Variants in FGF14 observed in about 807,000 individuals in gnomAD.
FGF14 encodes fibroblast growth factor 14.
Under a neutral mutation model 25.5 loss-of-function variants are expected in FGF14, and 5 were observed. That is an observed-to-expected ratio of 0.20 (90% CI 0.10 to 0.41). FGF14 has a LOEUF of 0.41. Among genes scored for constraint, FGF14 ranks in the 10% least tolerant of loss-of-function variants. FGF14 has a pLI of 1.00. For synonymous variants in FGF14, 138 were observed against 118.3 expected, an observed-to-expected ratio of 1.17 and a Z score of -1.08; for missense variants, 222 against 320.1, an observed-to-expected ratio of 0.69 and a Z score of 2.34.
intron 3 of FGF14, among the ~76,000 whole-genome samples, chr13:101,812,149 C>T (rs2041546171): frequency 6.6e-6 from 1 of 152,046 alleles, no homozygotes; most frequent in African/African-American, 2.4e-5. Flanking sequence ...TCATTCTTCC[C>T]CATTAGAGTC....
chr13:102,292,983 A>G (rs753313739), intron 1 of FGF14: 4 of 152,280 alleles, frequency 2.6e-5, no homozygotes, highest in African/African-American at 4.8e-5. Flanking sequence ...CAACTCCACC[A>G]GCCCTTTCCT....
At chr13:102,178,896 T>C (rs979455849) in intron 1 of FGF14, among the ~76,000 whole-genome samples, 40 of 152,266 alleles carry the variant, frequency 2.6e-4, no homozygotes, top group African/African-American at 9.1e-4. Flanking sequence ...ATTTTATCTA[T>C]TCACTTTTGT....
intron 3 of FGF14, among the ~76,000 whole-genome samples, chr13:101,780,047 T>C (rs540046058): frequency 5.9e-5 from 9 of 152,326 alleles, no homozygotes; most frequent in Admixed American, 5.9e-4. Context: ...TTGATTCAGC[T>C]ACTTCTTAAC....
chr13:101,964,512 GT>G (rs1251562712), intron 1 of FGF14, among the ~76,000 whole-genome samples: 3 of 152,098 alleles, frequency 2.0e-5, no homozygotes, highest in African/African-American at 4.8e-5. Flanking sequence ...CCTGACACCC[GT>G]TTTTAGAGCC....
chr13:101,933,339 T>C (rs560974179), intron 1 of FGF14, among the ~76,000 whole-genome samples: 65 of 152,310 alleles, frequency 4.3e-4, no homozygotes, highest in African/African-American at 1.5e-3. Context: ...ACAAATGCTT[T>C]GAGAGCAATA....
At chr13:102,040,686 A>C (rs1383709489) in intron 1 of FGF14, among the ~76,000 whole-genome samples, 1 of 152,190 alleles carries the variant, frequency 6.6e-6, no homozygotes, top group East Asian at 1.9e-4. Flanking sequence ...TAAAGCCCTG[A>C]AAGCTATTGA....
At chr13:102,199,104 G>A (rs779568003) in intron 1 of FGF14, among the ~76,000 whole-genome samples, 10 of 152,124 alleles carry the variant, frequency 6.6e-5, no homozygotes, top group Non-Finnish European at 7.4e-5. Flanking sequence ...AGATGTGTAG[G>A]TGGTTCTTAG....
chr13:102,213,893 T>C (rs1356144399), intron 1 of FGF14, among the ~76,000 whole-genome samples: 2 of 152,124 alleles, frequency 1.3e-5, no homozygotes, highest in Non-Finnish European at 2.9e-5. Context: ...GCTCAGTCTA[T>C]GGTACTAATA....
intron 3 of FGF14, among the ~76,000 whole-genome samples, chr13:101,828,109 T>C (rs1225382798): frequency 2.0e-5 from 3 of 151,960 alleles, no homozygotes. Flanking sequence ...TAAATATGCA[T>C]ACACACACAC....
chr13:101,878,523 A>G (rs186955296), intron 1 of FGF14, among the ~76,000 whole-genome samples: 3 of 152,202 alleles, frequency 2.0e-5, no homozygotes, highest in Non-Finnish European at 4.4e-5. Flanking sequence ...GTTTAGGGGG[A>G]AAAATCCCAT....
At chr13:102,168,462 A>T (rs1396520322) in intron 1 of FGF14, among the ~76,000 whole-genome samples, 1 of 152,102 alleles carries the variant, frequency 6.6e-6, no homozygotes, top group Non-Finnish European at 1.5e-5. Flanking sequence ...TACAGGCATG[A>T]GCCACTGCAC....
At position 102,115,702 on chromosome 13, in the gene FGF14, T is replaced by C. The variant is rs193160819; in HGVS notation, c.209-240406A>G. On this transcript the variant is annotated intron_variant, in intron 1 of 4. Coordinates refer to the FGF14 transcript ENST00000376131. ...CTTGAGTGGAGAGGGTCAGGGAGCA[T>C]GGGTTGGAAGGCTACCTATCGAGTA... 9.9e-5 allele frequency among the ~76,000 whole-genome samples: 15 copies of C among 152,134 alleles called. 1 individual carries two copies. The highest frequency in any genetic ancestry group is 3.4e-3 in the Middle Eastern group (1 of 294).
chr13:101,878,672 T>C (rs2045531874), intron 1 of FGF14, among the ~76,000 whole-genome samples: 1 of 152,116 alleles, frequency 6.6e-6, no homozygotes, highest in Non-Finnish European at 1.5e-5. Flanking sequence ...AAACAAATGA[T>C]GATCTATTGA....
chr13:102,348,387 A>G (rs2057175396), intron 1 of FGF14, among the ~76,000 whole-genome samples: 1 of 152,198 alleles, frequency 6.6e-6, no homozygotes, highest in South Asian at 2.1e-4. Context: ...CAAAGAAAAA[A>G]CAGACAACCA....
chr13:101,855,912 T>TTG (rs879860197), intron 3 of FGF14, among the ~76,000 whole-genome samples: 36 of 151,614 alleles, frequency 2.4e-4, no homozygotes, highest in Non-Finnish European at 3.4e-4. Context: ...AGTTTTTTTT[T>TTG]TTTTTAAGAA....
chr13:101,867,277 C>A (rs1000147889), intron 3 of FGF14, among the ~76,000 whole-genome samples: 2 of 151,826 alleles, frequency 1.3e-5, no homozygotes, highest in Non-Finnish European at 2.9e-5. Flanking sequence ...TATACCCTAC[C>A]TTTAAAAAAG....
chr13:102,125,898 T>A (rs490747), intron 1 of FGF14, among the ~76,000 whole-genome samples: 60,253 of 151,882 alleles, frequency 0.4, 13,720 homozygotes, highest in East Asian at 0.83. Flanking sequence ...CTGTCATATC[T>A]TAAGAACTCT....
intron 1 of FGF14, among the ~76,000 whole-genome samples, chr13:102,072,984 G>A (rs956805573): frequency 1.3e-5 from 2 of 152,134 alleles, no homozygotes; most frequent in African/African-American, 2.4e-5. Context: ...ACTTCTTACC[G>A]TATCTGTTGC....
At chr13:102,229,133 C>T (rs749368970) in intron 1 of FGF14, among the ~76,000 whole-genome samples, 10 of 152,158 alleles carry the variant, frequency 6.6e-5, no homozygotes, top group African/African-American at 2.4e-5. Flanking sequence ...CTAGAAGGAG[C>T]CAGTGCTGCC....
Sources: gnomAD v4.1 joint callset for allele counts (sites outside exome capture counted in the v4.1 genomes callset) on GRCh38, gnomAD v4.1.1 for gene constraint, MANE v1.5 for transcripts, NCBI Gene and HGNC (gene_info 2026-07-23, HGNC 2026-07-21) for gene names.